ENPP2: variants seen among roughly 807,000 people sequenced by gnomAD.
ENPP2 encodes the protein autotaxin.
A neutral mutation model predicts 120.2 loss-of-function variants in ENPP2; 51 were observed. The ratio of observed to expected loss-of-function variants is 0.42; its 90% CI spans 0.34 to 0.54. The LOEUF (loss-of-function observed/expected upper bound fraction) is 0.54, where lower values mean the gene tolerates loss of function less well. ENPP2 is among the 20% of genes least tolerant of loss of function. The pLI, the probability that ENPP2 is intolerant of heterozygous loss-of-function variation, is 0.04. For missense variants in ENPP2, 920 were observed against 1,066.5 expected (o/e 0.86, Z 1.91); for synonymous variants, 365 against 366.4 (o/e 1.00, Z 0.04).
At chr8:119,576,419 T>G (rs1812346728) in intron 19 of ENPP2, among the ~76,000 whole-genome samples, 1 of 152,236 alleles carries the variant, frequency 6.6e-6, no homozygotes, top group Admixed American at 6.5e-5. Flanking sequence ...ATTACAAGTG[T>G]GAGCCACTGA....
At position 119,583,995 on chromosome 8, in the gene ENPP2, G is replaced by C. The variant is rs1411148162; in HGVS notation, c.1422C>G (p.Asp474Glu). ...KPSGKCFFQG[D>E]HGFDNKVNSM... is the part of the protein sequence containing the mutation. The stretch of plus-strand genomic sequence containing the variant: ...TGTTGACCTTGTTATCAAATCCGTG[G>C]TCTCCCTGGAAAAAGCATTTTCCTG... Residue 474 changes from aspartate to glutamate, a missense_variant, in exon 16 of 25, where the codon GAC becomes GAG. Coordinates refer to ENST00000075322, the MANE Select transcript of ENPP2 (RefSeq NM_001040092.3). The C allele has an allele frequency of 6.2e-7, 1 of 1,613,546 alleles. No individual in the cohort carries two copies. The highest frequency in any genetic ancestry group is 8.5e-7 in the Non-Finnish European group (1 of 1,179,712).
At chr8:119,617,769 G>A (rs1326808959) in intron 5 of ENPP2, among the ~76,000 whole-genome samples, 1 of 152,086 alleles carries the variant, frequency 6.6e-6, no homozygotes, top group Non-Finnish European at 1.5e-5. Context: ...GCAACATGGT[G>A]AAACCCCCAT....
chr8:119,644,928 A>C (rs1276913130), intron 1 of ENPP2, among the ~76,000 whole-genome samples: 1 of 152,020 alleles, frequency 6.6e-6, no homozygotes, highest in Non-Finnish European at 1.5e-5. Flanking sequence ...TGTAAACCAC[A>C]TGAAGGTTTT....
intron 1 of ENPP2, 66 bp from the exon 2 acceptor site, chr8:119,638,593 G>A (rs1453397037): frequency 1.8e-6 from 2 of 1,104,362 alleles, no homozygotes; most frequent in Admixed American, 1.7e-5. Flanking sequence ...TTACACAAAG[G>A]TGATTCAAAT....
At position 119,572,725 on chromosome 8, in the gene ENPP2, G is replaced by T. The variant is rs147787293; in HGVS notation, c.1781-1884C>A. 2.6e-3 allele frequency: 412 copies of T among 158,526 alleles called. 1 individual carries two copies. The highest frequency in any genetic ancestry group is 9.1e-3 in the African/African-American group (379 of 41,608). 9.8% of individuals were successfully genotyped at this position (158,526 alleles called of 1,614,324 possible). On this transcript the variant is annotated intron_variant, in intron 19 of 24. Transcript: ENST00000075322. ...GCGCCTTGGTTGTGCCAGACCTTGC[G>T]CTGTAGAATGGAGGTACTGGGCAAA...
At chr8:119,619,652 T>C (rs893377024) in intron 4 of ENPP2, among the ~76,000 whole-genome samples, 1 of 151,552 alleles carries the variant, frequency 6.6e-6, no homozygotes, top group African/African-American at 2.4e-5. Context: ...AACATTCTTT[T>C]CTCCACCACT....
intron 1 of ENPP2, among the ~76,000 whole-genome samples, chr8:119,655,424 TG>T (rs1395432564): frequency 6.6e-6 from 1 of 152,174 alleles, no homozygotes; most frequent in Non-Finnish European, 1.5e-5. Flanking sequence ...CTATACAACT[TG>T]TTAATTGCTG....
At chr8:119,582,251 A>T (rs911736284) in intron 18 of ENPP2, among the ~76,000 whole-genome samples, 167 bp downstream of exon 18, 1 of 152,216 alleles carries the variant, frequency 6.6e-6, no homozygotes, top group African/African-American at 2.4e-5. Flanking sequence ...CTCTTTAATT[A>T]TAAAGTAATG....
intron 24 of ENPP2, among the ~76,000 whole-genome samples, chr8:119,561,799 GTGTGTGTGTGTGTGTT>G (rs1410914096): frequency 1.3e-5 from 2 of 151,774 alleles, no homozygotes; most frequent in Admixed American, 1.3e-4. Context: ...GTGTGTGTGT[GTGTGTGTGTGTGTGTT>G]TGTGTGTGTG....
upstream of ENPP2, among the ~76,000 whole-genome samples, chr8:119,639,604 C>T (rs1440740983): frequency 9.0e-6 from 1 of 111,274 alleles, no homozygotes; most frequent in Non-Finnish European, 1.9e-5. Context: ...TTGTTTCGGG[C>T]GGGGCGGAGG....
In ENPP2 at chr8:119,605,069, G is replaced by A. The variant is rs543913562; in HGVS notation, c.833+2853C>T. On this transcript the variant is annotated intron_variant, in intron 9 of 24. Transcript: ENST00000075322. Reference sequence around the variant, plus strand: ...ATTACAGGCTTGAGCCACTGCACCCGGCCTATTTTATTTTATTTTTGAGAC... The same window carrying A: ...ATTACAGGCTTGAGCCACTGCACCCAGCCTATTTTATTTTATTTTTGAGAC... Among the ~76,000 whole-genome samples the A allele has an allele frequency of 3.0e-4, 45 of 151,820 alleles. No individual in the cohort carries two copies. In the South Asian group the frequency reaches 9.0e-3, roughly 30 times the overall value.
chr8:119,579,071 T>C (rs1347161793), intron 19 of ENPP2, among the ~76,000 whole-genome samples: 1 of 152,222 alleles, frequency 6.6e-6, no homozygotes, highest in East Asian at 1.9e-4. Context: ...GCATTTTCCA[T>C]ACACTTTTAG....
In ENPP2 at chr8:119,638,805, T is replaced by C; in HGVS notation, c.-25A>G. ...TGTCGAGGATTCTTGGAAAGCCTTT[T>C]GCAGCGTGTTCTCTTTGCCTTCACG... On this transcript the variant is annotated 5_prime_UTR_variant, in exon 1 of 25. Coordinates refer to ENST00000075322, the MANE Select transcript of ENPP2 (RefSeq NM_001040092.3). 1 of 1,614,000 alleles carries C rather than the reference T, an allele frequency of 6.2e-7. No homozygotes were observed. The highest frequency in any genetic ancestry group is 8.5e-7 in the Non-Finnish European group (1 of 1,179,834).
chr8:119,628,313 G>A (rs1480701606), intron 2 of ENPP2, among the ~76,000 whole-genome samples: 1 of 152,162 alleles, frequency 6.6e-6, no homozygotes, highest in African/African-American at 2.4e-5. Flanking sequence ...TTTTTGTAAA[G>A]TAGAATATAA....
At chr8:119,641,013 C>T (rs1355234358), upstream of ENPP2, among the ~76,000 whole-genome samples, 2 of 152,156 alleles carry the variant, frequency 1.3e-5, no homozygotes, top group East Asian at 3.9e-4. Context: ...TCCCAAAGTG[C>T]TGGGATTACA....
chr8:119,602,398 A>G (rs950408452), intron 9 of ENPP2, among the ~76,000 whole-genome samples: 1 of 151,192 alleles, frequency 6.6e-6, no homozygotes, highest in Admixed American at 6.6e-5. Context: ...CAGAGGTTGC[A>G]GTGAGCCAAG....
chr8:119,592,245 G>A (rs932556870), intron 12 of ENPP2, among the ~76,000 whole-genome samples: 2 of 152,088 alleles, frequency 1.3e-5, no homozygotes, highest in Non-Finnish European at 2.9e-5. Flanking sequence ...GGCCAAGGCA[G>A]GCAGATCACC....
At chr8:119,654,076 T>A (rs1817700253) in intron 1 of ENPP2, among the ~76,000 whole-genome samples, 1 of 144,974 alleles carries the variant, frequency 6.9e-6, no homozygotes, top group South Asian at 2.1e-4. Flanking sequence ...TATATTATAT[T>A]ATATATTATG....
chr8:119,611,961 G>C (rs776207288), intron 8 of ENPP2, among the ~76,000 whole-genome samples: 1 of 152,130 alleles, frequency 6.6e-6, no homozygotes. Flanking sequence ...CCCGGGAGGC[G>C]GAGGTTGCTG....
Sources: allele counts gnomAD v4.1 joint callset (sites outside exome capture counted in the v4.1 genomes callset), GRCh38; gene constraint gnomAD v4.1.1; transcripts MANE v1.5; gene names NCBI Gene and HGNC (gene_info 2026-07-23, HGNC 2026-07-21).